The following TCP11L2 variants were observed in gnomAD, a reference collection of about 807,000 sequenced individuals.
TCP11L2 encodes the protein T-complex protein 11-like protein 2.
Under a neutral mutation model 50.7 loss-of-function variants are expected in TCP11L2, and 39 were observed. That is an observed-to-expected ratio of 0.77 (90% confidence interval 0.60 to 1.01). The LOEUF (loss-of-function observed/expected upper bound fraction) is 1.01. TCP11L2 is among the 50% of genes least tolerant of loss of function. The pLI, the probability that TCP11L2 is intolerant of heterozygous loss-of-function variation, is 0.00. For missense variants in TCP11L2, 612 were observed against 614.7 expected (o/e 1.00, Z 0.05); for synonymous variants, 192 against 219.3 (o/e 0.88, Z 1.10).
chr12:106,321,775 A>G (rs976573306), intron 5 of TCP11L2, 69 bp downstream of exon 5: 38 of 1,365,986 alleles, frequency 2.8e-5, no homozygotes, highest in Non-Finnish European at 3.2e-5. Flanking sequence ...GTTGGGCATC[A>G]GGGAACACAG....
intron 6 of TCP11L2, among the ~76,000 whole-genome samples, chr12:106,327,192 T>G (rs560442548): frequency 6.6e-6 from 1 of 152,242 alleles, no homozygotes; most frequent in East Asian, 1.9e-4. Context: ...TTCTTTTTTT[T>G]CCCCCCTGTT....
upstream of TCP11L2, among the ~76,000 whole-genome samples, chr12:106,302,615 T>G (rs2034458038): frequency 6.6e-6 from 1 of 151,680 alleles, no homozygotes; most frequent in Admixed American, 6.6e-5. Flanking sequence ...TCGGCCTCTC[T>G]GGTTCAAACT....
intron 1 of TCP11L2, among the ~76,000 whole-genome samples, chr12:106,309,789 G>T (rs577876160): frequency 6.6e-6 from 1 of 151,596 alleles, no homozygotes. Context: ...TACTTTCCCC[G>T]GTGCTCAGTG....
At chr12:106,320,586 G>A (rs1270910231) in intron 4 of TCP11L2, among the ~76,000 whole-genome samples, 2 of 152,142 alleles carry the variant, frequency 1.3e-5, no homozygotes, top group African/African-American at 2.4e-5. Flanking sequence ...GAGTGAGTGT[G>A]GGTATGTGAG....
chr12:106,314,321 C>A, intron 2 of TCP11L2, 37 bp from the exon 3 acceptor site: 1 of 1,588,370 alleles, frequency 6.3e-7, no homozygotes, highest in Non-Finnish European at 8.6e-7. Context: ...GACAACTTTT[C>A]TTCTGCAACA....
chr12:106,343,851 G>T (rs2036159160), intron 9 of TCP11L2, among the ~76,000 whole-genome samples: 2 of 151,650 alleles, frequency 1.3e-5, no homozygotes, highest in African/African-American at 4.8e-5. Flanking sequence ...TAGAGACGGG[G>T]TTCCACCATA....
chr12:106,300,443 C>T (rs1213106230), upstream of TCP11L2, among the ~76,000 whole-genome samples: 1 of 152,222 alleles, frequency 6.6e-6, no homozygotes, highest in East Asian at 1.9e-4. Flanking sequence ...GATTCTCCTG[C>T]CTCAGCTTCC....
intron 1 of TCP11L2, among the ~76,000 whole-genome samples, 172 bp from the exon 2 acceptor site, chr12:106,310,869 A>T (rs149037051): frequency 4.3e-4 from 66 of 152,318 alleles, no homozygotes; most frequent in Admixed American, 9.1e-4. Flanking sequence ...AATCTCGATG[A>T]CCTAGTGATC....
intron 5 of TCP11L2, 36 bp downstream of exon 5, chr12:106,321,742 C>T: frequency 6.3e-7 from 1 of 1,580,252 alleles, no homozygotes; most frequent in Non-Finnish European, 8.7e-7. Flanking sequence ...CCTAGAGTAT[C>T]TTTGAGTTCA....
chr12:106,329,736 G>T (rs2035682120), intron 6 of TCP11L2: 7 of 1,037,220 alleles, frequency 6.7e-6, no homozygotes, highest in Non-Finnish European at 8.1e-6. Flanking sequence ...TAAACTTGCA[G>T]TATAAATGCT....
chr12:106,342,541 A>C (rs1230261908), intron 9 of TCP11L2, among the ~76,000 whole-genome samples: 4 of 152,242 alleles, frequency 2.6e-5, no homozygotes, highest in Admixed American at 2.0e-4. Flanking sequence ...ACTGCCCAGC[A>C]GTCTCTGCAG....
chr12:106,340,634 CA>C (rs2036065517), intron 8 of TCP11L2, among the ~76,000 whole-genome samples, 191 bp from the exon 9 acceptor site: 1 of 152,278 alleles, frequency 6.6e-6, no homozygotes, highest in South Asian at 2.1e-4. Flanking sequence ...TGATTTTAAG[CA>C]TTTAGAAGTC....
chr12:106,326,965 C>T (rs934786750), intron 6 of TCP11L2, among the ~76,000 whole-genome samples: 2 of 152,196 alleles, frequency 1.3e-5, no homozygotes, highest in African/African-American at 4.8e-5. Flanking sequence ...GAACCTGGAT[C>T]TGAAACCTCA....
intron 7 of TCP11L2, 44 bp from the exon 8 acceptor site, chr12:106,335,988 T>G: frequency 6.5e-7 from 1 of 1,529,290 alleles, no homozygotes; most frequent in Non-Finnish European, 8.8e-7. Flanking sequence ...TTTCATGCTA[T>G]TGAGCTACCC....
intron 2 of TCP11L2, 29 bp from the exon 3 acceptor site, chr12:106,314,329 A>G (rs1472833522): frequency 1.9e-6 from 3 of 1,591,528 alleles, no homozygotes; most frequent in African/African-American, 1.3e-5. Flanking sequence ...TTCTTCTGCA[A>G]CATTAACTGG....
intron 3 of TCP11L2, among the ~76,000 whole-genome samples, chr12:106,317,526 A>G (rs2035138509): frequency 6.6e-6 from 1 of 152,198 alleles, no homozygotes; most frequent in South Asian, 2.1e-4. Context: ...AGAAAAAAAG[A>G]GATATACTTA....
upstream of TCP11L2, among the ~76,000 whole-genome samples, chr12:106,300,156 C>T (rs2034386310): frequency 6.6e-6 from 1 of 150,840 alleles, no homozygotes; most frequent in South Asian, 2.1e-4. Context: ...AAGAGGTTGC[C>T]TTTTCAGATT....
At chr12:106,309,926 G>T (rs953838343) in intron 1 of TCP11L2, among the ~76,000 whole-genome samples, 4 of 152,078 alleles carry the variant, frequency 2.6e-5, no homozygotes, top group African/African-American at 4.8e-5. Context: ...CTCATTGCAT[G>T]GGCTGGTTTA....
intron 6 of TCP11L2, chr12:106,325,892 G>GA (rs35051819): frequency 0.4 from 36,248 of 90,014 alleles, 7,461 homozygotes; most frequent in African/African-American, 0.46. Flanking sequence ...CTCCGTCTCG[G>GA]AAAAAAAAAA....
Sources: gnomAD v4.1 joint callset for allele counts (sites outside exome capture counted in the v4.1 genomes callset) on GRCh38, gnomAD v4.1.1 for gene constraint, MANE v1.5 for transcripts, NCBI Gene and HGNC (gene_info 2026-07-23, HGNC 2026-07-21) for gene names.